The following ACAN variants were observed in gnomAD, a reference collection of about 807,000 sequenced individuals.
ACAN encodes the protein aggrecan.
ACAN carries 47 observed loss-of-function variants against 169.1 expected under a neutral mutation model. The observed-to-expected ratio is 0.28, with a 90% confidence interval of 0.22 to 0.35. The LOEUF (loss-of-function observed/expected upper bound fraction) is 0.35. Ranked by LOEUF, ACAN falls within the 10% of genes least tolerant of loss-of-function variation. The pLI, the probability that ACAN is intolerant of heterozygous loss-of-function variation, is 1.00. For missense variants in ACAN, 2,716 were observed against 2,759.9 expected, an observed-to-expected ratio of 0.98 and a Z score of 0.36; for synonymous variants, 1,115 against 1,112.2, an observed-to-expected ratio of 1.00 and a Z score of -0.05.
rs777469734 is a variant in ACAN, at chr15:88,851,906, C to G, written c.2139C>G (p.Pro713=). 2 of 1,612,256 alleles carry G rather than the reference C, an allele frequency of 1.2e-6. No individual in the cohort carries two copies. The highest frequency in any genetic ancestry group is 1.1e-5 in the South Asian group (1 of 90,558). Residue 713 remains proline, a synonymous_variant, in exon 11 of 19, where the codon CCC becomes CCG. Transcript: ENST00000560601. This position sits in a 1 kb window ranked among gnomAD's most constrained non-coding sequence, Gnocchi z 4.3. ...TGGTTCCTGGTGTGGCTGCTGTCCCCGTAGAAGAGGAGACAACTGCTGTAC... is the reference window on the plus strand; with the variant it reads ...TGGTTCCTGGTGTGGCTGCTGTCCCGGTAGAAGAGGAGACAACTGCTGTAC... ...TQVVPGVAAV[P]VEEETTAVPS... is the part of the protein sequence containing the mutation.
intron 6 of ACAN, among the ~76,000 whole-genome samples, chr15:88,845,198 G>A (rs1033608644): frequency 6.6e-6 from 1 of 152,246 alleles, no homozygotes; most frequent in Non-Finnish European, 1.5e-5. Context: ...TGAAGCAGCA[G>A]CTGTGTTGAG....
rs985414009 is a variant in ACAN, at chr15:88,871,468, G to A, written c.7147G>A (p.Glu2383Lys). The A allele has an allele frequency of 1.9e-6, 3 of 1,613,798 alleles. No individual in the cohort carries two copies. The highest frequency in any genetic ancestry group is 2.5e-6 in the Non-Finnish European group (3 of 1,179,872). Residue 2383 changes from glutamate (E) to lysine (K), a missense_variant, in exon 15 of 19, where the codon GAG becomes AAG. By Grantham distance (56) the Glu-to-Lys change is moderately conservative. This residue lies in a region of ACAN where 1,389 missense variants were observed against 1,363.7 expected (regional missense o/e 1.02). Transcript: ENST00000560601. This position sits in a 1 kb window ranked among gnomAD's most constrained non-coding sequence, Gnocchi z 7.8. Reference protein sequence around the residue: ...FPDRETWVDAERRCREQQSHL... With the variant: ...FPDRETWVDAKRRCREQQSHL... Reference sequence around the variant, plus strand: ...GGACCGCGAGACCTGGGTGGATGCTGAGCGCCGGTGTCGGGAGCAGCAGTC... The same window carrying A: ...GGACCGCGAGACCTGGGTGGATGCTAAGCGCCGGTGTCGGGAGCAGCAGTC...
chr15:88,825,346 T>C (rs529112917), intron 1 of ACAN, among the ~76,000 whole-genome samples: 1 of 152,298 alleles, frequency 6.6e-6, no homozygotes, highest in South Asian at 2.1e-4. Context: ...TCCAAGTAAG[T>C]TGCCACAAGG....
At chr15:88,805,618 G>A (rs189796529) in intron 1 of ACAN, among the ~76,000 whole-genome samples, 203 of 152,276 alleles carry the variant, frequency 1.3e-3, no homozygotes, top group East Asian at 0.011. Flanking sequence ...GGCCCACAGC[G>A]GGTACTCAAT....
Position 88,871,184 on chromosome 15 carries a change from G to A in ACAN, c.7061-198G>A, listed in dbSNP as rs904907371. 7.9e-5 allele frequency among the ~76,000 whole-genome samples: 12 copies of A among 152,160 alleles called. No individual in the cohort carries two copies. The highest frequency in any genetic ancestry group is 1.7e-4 in the African/African-American group (7 of 41,430). On this transcript the variant is annotated intron_variant, in intron 14 of 18. Transcript: ENST00000560601. The surrounding 1 kb of genome is among the most constrained non-coding windows in gnomAD (Gnocchi z 7.8). ...AGGAAAGGGCCCCTGGCATTTTCCC[G>A]AGTGGAAGCATGTGCAGAGGCTCCC... is the stretch of plus-strand genomic sequence containing the variant.
Position 88,858,067 on chromosome 15 carries a change from G to A in ACAN, c.5482G>A (p.Gly1828Arg). 6.2e-7 allele frequency: 1 copy of A among 1,613,914 alleles called. No individual in the cohort carries two copies. Among genetic ancestry groups the A allele is most frequent in the Non-Finnish European group, 8.5e-7 (1 of 1,179,876 alleles). ...GTTSGSGESS[G>R]ITFVDTSLVE... ...CACGAGTGGCAGCGGTGAATCTTCT[G>A]GGATTACATTTGTGGACACCAGTTT... The change falls in exon 12 of 19, where the codon GGG (glycine) becomes AGG (arginine). Residue 1828 changes from glycine (G) to arginine (R), a missense_variant. Transcript: ENST00000560601. The surrounding 1 kb of genome is among the most constrained non-coding windows in gnomAD (Gnocchi z 4.0).
chr15:88,858,169 G>C lies in ACAN; in HGVS notation c.5584G>C (p.Glu1862Gln). 1 of 1,613,958 alleles carries C rather than the reference G, an allele frequency of 6.2e-7. No individual in the cohort carries two copies. Among genetic ancestry groups the C allele is most frequent in the African/African-American group, 1.3e-5 (1 of 75,036 alleles). Residue 1862 changes from glutamate to glutamine, a missense_variant, in exon 12 of 19, where the codon GAG becomes CAG. Coordinates refer to ENST00000560601, the MANE Select transcript of ACAN (RefSeq NM_001369268.1). The surrounding 1 kb of genome is among the most constrained non-coding windows in gnomAD (Gnocchi z 4.0). ...SVELSGLPSG[E>Q]ADLSGKSGMV... ...GGAACTCAGTGGCCTCCCTTCCGGA[G>C]AGGCAGATCTGTCAGGCAAATCTGG...
In ACAN at chr15:88,814,559, A is replaced by G. The variant is rs1394046344; in HGVS notation, c.-8+10750A>G. Among the ~76,000 whole-genome samples, 1 of 152,192 alleles carries G rather than the reference A, an allele frequency of 6.6e-6. No homozygotes were observed. Among genetic ancestry groups the G allele is most frequent in the Non-Finnish European group, 1.5e-5 (1 of 68,032 alleles). ...CAGGGCTGGCTCCTGATAGGCCTGGAAAGTGTGGCAGGTTCTGCTGTACAC... is the reference window on the plus strand; with the variant it reads ...CAGGGCTGGCTCCTGATAGGCCTGGGAAGTGTGGCAGGTTCTGCTGTACAC... On this transcript the variant is annotated intron_variant, in intron 1 of 18. Transcript: ENST00000560601. The surrounding 1 kb of genome is among the most constrained non-coding windows in gnomAD (Gnocchi z 4.0).
rs571276424 is a variant in ACAN at position 88,869,138 on chromosome 15, C to T, written c.7060+809C>T. On this transcript the variant is annotated intron_variant, in intron 14 of 18. Transcript: ENST00000560601. This position sits in a 1 kb window ranked among gnomAD's most constrained non-coding sequence, Gnocchi z 4.2. The stretch of plus-strand genomic sequence containing the variant: ...CTCAGCTCTCTCACCTTTGGTGCTT[C>T]CTAGTCTCCCCACCAGCCGCCTGGA... Among the ~76,000 whole-genome samples the T allele has an allele frequency of 1.3e-5, 2 of 152,314 alleles. No individual in the cohort carries two copies. Among genetic ancestry groups the T allele is most frequent in the Non-Finnish European group, 2.9e-5 (2 of 68,028 alleles).
intron 1 of ACAN, among the ~76,000 whole-genome samples, chr15:88,829,015 G>T (rs1255990699): frequency 1.3e-5 from 2 of 152,158 alleles, no homozygotes; most frequent in African/African-American, 4.8e-5. Flanking sequence ...CAAAAGTATG[G>T]CCTTGAAGGG....
chr15:88,869,633 G>A lies in ACAN; in HGVS notation c.7060+1304G>A, dbSNP rs967530514. On this transcript the variant is annotated intron_variant, in intron 14 of 18. Coordinates refer to ENST00000560601, the MANE Select transcript of ACAN (RefSeq NM_001369268.1). This position sits in a 1 kb window ranked among gnomAD's most constrained non-coding sequence, Gnocchi z 4.2. ...TGCCGACAACAGCTATTTGGTTCCA[G>A]ACTGGAAAAGTGGGCTCTGCTGGAA... Among the ~76,000 whole-genome samples the A allele has an allele frequency of 6.6e-6, 1 of 152,190 alleles. No individual in the cohort carries two copies. Among genetic ancestry groups the A allele is most frequent in the African/African-American group, 2.4e-5 (1 of 41,444 alleles).
rs138114963 is a variant in ACAN at position 88,869,728 on chromosome 15, C to A, written c.7060+1399C>A. On this transcript the variant is annotated intron_variant, in intron 14 of 18. Coordinates refer to ENST00000560601, the MANE Select transcript of ACAN (RefSeq NM_001369268.1). The surrounding 1 kb of genome is among the most constrained non-coding windows in gnomAD (Gnocchi z 4.2). ...GAGATGGTGACAGAGCCACCCAGCTCGGCCCTGGGCCTGGGGGCCCAGCTA... is the reference window on the plus strand; with the variant it reads ...GAGATGGTGACAGAGCCACCCAGCTAGGCCCTGGGCCTGGGGGCCCAGCTA... 2.0e-5 allele frequency among the ~76,000 whole-genome samples: 3 copies of A among 152,314 alleles called. 1 individual carries two copies. Among genetic ancestry groups the A allele is most frequent in the South Asian group, 2.1e-4 (1 of 4,828 alleles).
rs1211198104 is a variant in ACAN, at chr15:88,871,136, G to C, written c.7061-246G>C. On this transcript the variant is annotated intron_variant, in intron 14 of 18. Transcript: ENST00000560601. This position sits in a 1 kb window ranked among gnomAD's most constrained non-coding sequence, Gnocchi z 7.8. ...GGAGGAAAGCTTGGGAGAGGGTGAG[G>C]GGGGAGGGCGTGGCATCAGGGAAGG... 1.3e-5 allele frequency among the ~76,000 whole-genome samples: 2 copies of C among 152,176 alleles called. No individual in the cohort carries two copies. Among genetic ancestry groups the C allele is most frequent in the African/African-American group, 4.8e-5 (2 of 41,432 alleles).
chr15:88,830,488 G>A (rs1198886367), intron 1 of ACAN, among the ~76,000 whole-genome samples: 1 of 152,070 alleles, frequency 6.6e-6, no homozygotes, highest in Non-Finnish European at 1.5e-5. Context: ...GTGCTCCTAG[G>A]TGACACACCC....
rs893028287 is a variant in ACAN at position 88,820,295 on chromosome 15, C to T, written c.-7-15905C>T. 2.0e-5 allele frequency among the ~76,000 whole-genome samples: 3 copies of T among 152,094 alleles called. No individual in the cohort carries two copies. In the East Asian group the frequency reaches 5.8e-4, roughly 29 times the overall value. On this transcript the variant is annotated intron_variant, in intron 1 of 18. Transcript: ENST00000560601. Reference sequence around the variant, plus strand: ...AGGCAGCACGTGCTCCTGCTGTGATCGAGGACGGCAAACTGGATCATAATA... The same window carrying T: ...AGGCAGCACGTGCTCCTGCTGTGATTGAGGACGGCAAACTGGATCATAATA...
intron 1 of ACAN, among the ~76,000 whole-genome samples, chr15:88,822,946 C>T (rs117380860): frequency 9.7e-4 from 147 of 152,326 alleles, no homozygotes; most frequent in South Asian, 3.7e-3. Context: ...ACAGCCACAT[C>T]CCAGGCACCT....
intron 1 of ACAN, among the ~76,000 whole-genome samples, chr15:88,815,561 GA>G (rs11291752): frequency 0.63 from 63,688 of 100,382 alleles, 16,997 homozygotes; most frequent in East Asian, 0.91. Flanking sequence ...TCCAACTCAA[GA>G]AAAAAAAAAA....
At chr15:88,827,262 A>G (rs1896247216) in intron 1 of ACAN, among the ~76,000 whole-genome samples, 1 of 152,156 alleles carries the variant, frequency 6.6e-6, no homozygotes, top group Non-Finnish European at 1.5e-5. Flanking sequence ...CTCTTCCTTT[A>G]CAGTCCACAG....
chr15:88,837,679 C>T (rs2141560312), intron 2 of ACAN, among the ~76,000 whole-genome samples: 1 of 152,292 alleles, frequency 6.6e-6, no homozygotes, highest in Admixed American at 6.5e-5. Flanking sequence ...GGGCCCAGCA[C>T]TCGGAGGAAG....
Sources: gnomAD v4.1 joint callset for allele counts (sites outside exome capture counted in the v4.1 genomes callset) on GRCh38, gnomAD v4.1.1 for gene constraint, gnomAD v4.1.1 regional missense constraint, Gnocchi (gnomAD v3.1) non-coding constraint, MANE v1.5 for transcripts, NCBI Gene and HGNC (gene_info 2026-07-23, HGNC 2026-07-21) for gene names.